The following GREM1 variants were observed in gnomAD, a reference collection of about 807,000 sequenced individuals.
GREM1 encodes the protein gremlin-1.
A neutral mutation model predicts 13.1 loss-of-function variants in GREM1; 6 were observed. That is an observed-to-expected ratio of 0.46 (90% confidence interval 0.25 to 0.91). GREM1 has a LOEUF of 0.91. GREM1 is among the 40% of genes least tolerant of loss of function. The probability of loss-of-function intolerance (pLI) is 0.18; values close to 1 mark genes in which losing one functional copy is unlikely to be tolerated. For synonymous variants in GREM1, 98 were observed against 93.7 expected (o/e 1.05, Z -0.27); for missense variants, 185 against 233.9 (o/e 0.79, Z 1.36).
intron 1 of GREM1, among the ~76,000 whole-genome samples, chr15:32,726,894 A>G (rs1173726642): frequency 6.6e-6 from 1 of 152,172 alleles, no homozygotes; most frequent in Non-Finnish European, 1.5e-5. Context: ...ACGCAAATAA[A>G]CTAGAAAATT....
At chr15:32,727,041 A>G (rs2140681807) in intron 1 of GREM1, among the ~76,000 whole-genome samples, 1 of 152,324 alleles carries the variant, frequency 6.6e-6, no homozygotes, top group Admixed American at 6.5e-5. Context: ...AAAAAAGCCC[A>G]GGACCAGACA....
chr15:32,729,255 A>G (rs568520826), intron 1 of GREM1, among the ~76,000 whole-genome samples: 38 of 152,036 alleles, frequency 2.5e-4, no homozygotes, highest in Middle Eastern at 3.4e-3. Flanking sequence ...CGATCTCCTG[A>G]CCTCGTGATC....
chr15:32,731,546 G>A lies in GREM1; in HGVS notation c.*301G>A, dbSNP rs1257393861. 2 of 436,260 alleles carry A rather than the reference G, an allele frequency of 4.6e-6. No homozygotes were observed. Among genetic ancestry groups the A allele is most frequent in the Non-Finnish European group, 8.4e-6 (2 of 237,054 alleles). The allele number at this position is 436,260 out of a possible 1,614,324, so 27.0% of individuals were successfully genotyped here. A position where few individuals can be genotyped will look rare whatever the true frequency, so the allele number is the denominator to read the frequency against. On this transcript the variant is annotated 3_prime_UTR_variant, in exon 2 of 2. Coordinates refer to ENST00000651154, the MANE Select transcript of GREM1 (RefSeq NM_013372.7). ...CACCCCGGCTCACATCTAAAGGGGC[G>A]GGGCCGTGGTCTGGTTCTGACTTTG...
rs1337821874 is a variant in GREM1 at position 32,734,925 on chromosome 15, G to GTGTTAT, written c.*3681_*3686dup. ...CACAACTAGAAAGAAGAACTATAGAGTGTTATAAGGGAGGCCCTGAGATGG... is the reference window on the plus strand; with the variant it reads ...CACAACTAGAAAGAAGAACTATAGAGTGTTATTGTTATAAGGGAGGCCCTGAGATGG... On this transcript the variant is annotated 3_prime_UTR_variant, in exon 2 of 2. Transcript: ENST00000651154. 2 of 162,678 alleles carry GTGTTAT rather than the reference G, an allele frequency of 1.2e-5. No homozygotes were observed. The highest frequency in any genetic ancestry group is 4.8e-5 in the African/African-American group (2 of 41,756). 10.1% of individuals were successfully genotyped at this position (162,678 alleles called of 1,614,324 possible). A position where few individuals can be genotyped will look rare whatever the true frequency, so the allele number is the denominator to read the frequency against.
intron 1 of GREM1, among the ~76,000 whole-genome samples, chr15:32,719,341 T>C (rs2055364200): frequency 6.6e-6 from 1 of 152,200 alleles, no homozygotes; most frequent in African/African-American, 2.4e-5. Flanking sequence ...TGCGCCAGGC[T>C]CTGGCGACGG....
rs79244243 is a variant in GREM1 at position 32,720,653 on chromosome 15, A to G, written c.-2+2492A>G. 0.015 allele frequency among the ~76,000 whole-genome samples: 2,353 copies of G among 152,346 alleles called. 114 individuals are homozygous for G. In the East Asian group the frequency reaches 0.2, roughly 13 times the overall value. ...TTTAACATATGCTCTTAGAAATTCA[A>G]AGTACAACAGGAATTCCTGGGACAA... On this transcript the variant is annotated intron_variant, in intron 1 of 1. Coordinates refer to ENST00000651154, the MANE Select transcript of GREM1 (RefSeq NM_013372.7).
Position 32,736,505 on chromosome 15 carries a change from G to A in GREM1, c.*5260G>A, listed in dbSNP as rs1231812844. On this transcript the variant is annotated 3_prime_UTR_variant, in exon 2 of 2. Transcript: ENST00000651154. ...AAGCTGATCTTGAGGCTCTGCACAA[G>A]CCATAAGTAAAGGGAATGCAGAGTT... 6.6e-6 allele frequency: 1 copy of A among 152,190 alleles called. No individual in the cohort carries two copies. Among genetic ancestry groups the A allele is most frequent in the Non-Finnish European group, 1.5e-5 (1 of 68,040 alleles). The allele number at this position is 152,190 out of a possible 1,614,324, so 9.4% of individuals were successfully genotyped here. A position where few individuals can be genotyped will look rare whatever the true frequency, so the allele number is the denominator to read the frequency against.
In GREM1 at chr15:32,738,083, C is replaced by CAAAAAAAAAAAAAAAAAAA. The variant is rs67118209; in HGVS notation, c.*6870_*6888dup. On this transcript the variant is annotated 3_prime_UTR_variant, in exon 2 of 2. Coordinates refer to ENST00000651154, the MANE Select transcript of GREM1 (RefSeq NM_013372.7). Reference sequence around the variant, plus strand: ...GGAGGTTCTACCTAGGGTAATTAGGCAAAAAAAAAAAAAAAAAAAAAAAAA... The same window carrying CAAAAAAAAAAAAAAAAAAA: ...GGAGGTTCTACCTAGGGTAATTAGGCAAAAAAAAAAAAAAAAAAAAAAAAAAAAAAAAAAAAAAAAAAAA... 1.1e-4 allele frequency: 2 copies of CAAAAAAAAAAAAAAAAAAA among 18,926 alleles called. No individual in the cohort carries two copies. Among genetic ancestry groups the CAAAAAAAAAAAAAAAAAAA allele is most frequent in the Non-Finnish European group, 1.7e-4 (2 of 11,646 alleles). 1.2% of individuals were successfully genotyped at this position (18,926 alleles called of 1,614,324 possible).
At chr15:32,721,335 C>G (rs2055403023) in intron 1 of GREM1, among the ~76,000 whole-genome samples, 2 of 152,070 alleles carry the variant, frequency 1.3e-5, no homozygotes, top group Admixed American at 6.5e-5. Context: ...GGTCAGAAAT[C>G]AGCATAATGC....
intron 1 of GREM1, chr15:32,718,910 G>T (rs891463326): frequency 1.6e-5 from 3 of 189,266 alleles, no homozygotes; most frequent in Non-Finnish European, 3.3e-5. Context: ...CCTCTTCCCC[G>T]CCCCGCGCAC....
At chr15:32,729,235 A>G (rs2055568640) in intron 1 of GREM1, among the ~76,000 whole-genome samples, 1 of 152,062 alleles carries the variant, frequency 6.6e-6, no homozygotes, top group Admixed American at 6.5e-5. Context: ...CGTGTTAGCC[A>G]GGATGGTCTC....
Position 32,735,758 on chromosome 15 carries a change from G to C in GREM1, c.*4513G>C, listed in dbSNP as rs58963557. The C allele has an allele frequency of 3.0e-3, 385 of 128,440 alleles. 3 individuals carry two copies. The highest frequency in any genetic ancestry group is 0.01 in the African/African-American group (363 of 34,740). The allele number at this position is 128,440 out of a possible 1,614,324, so 8.0% of individuals were successfully genotyped here. On this transcript the variant is annotated 3_prime_UTR_variant, in exon 2 of 2. Transcript: ENST00000651154. ...TGTGAGTGGGACTTGACACGGAAGAGCATTTCAAGCTTAAGAAAAAAAAAA... is the reference window on the plus strand; with the variant it reads ...TGTGAGTGGGACTTGACACGGAAGACCATTTCAAGCTTAAGAAAAAAAAAA...
chr15:32,719,770 A>G (rs2055373790), intron 1 of GREM1, among the ~76,000 whole-genome samples: 1 of 152,184 alleles, frequency 6.6e-6, no homozygotes, highest in Non-Finnish European at 1.5e-5. Context: ...CACACAAGTT[A>G]AATAAATAGC....
At position 32,735,410 on chromosome 15, in the gene GREM1, A is replaced by C. The variant is rs532568110; in HGVS notation, c.*4165A>C. Reference sequence around the variant, plus strand: ...ATCACTGCTAGAAAGCAGTGAACTTATATGGTCTTACTGTGGCACTGGGTC... The same window carrying C: ...ATCACTGCTAGAAAGCAGTGAACTTCTATGGTCTTACTGTGGCACTGGGTC... On this transcript the variant is annotated 3_prime_UTR_variant, in exon 2 of 2. Transcript: ENST00000651154. The C allele has an allele frequency of 6.6e-6, 1 of 152,290 alleles. No homozygotes were observed. The highest frequency in any genetic ancestry group is 2.4e-5 in the African/African-American group (1 of 41,554). 9.4% of individuals were successfully genotyped at this position (152,290 alleles called of 1,614,324 possible).
rs570873895 is a variant in GREM1 at position 32,735,686 on chromosome 15, G to A, written c.*4441G>A. ...TGGAAGCAAGTACCAAGGAGAAAGT[G>A]TTCTCAGAAAAGCCACACCCATTAG... On this transcript the variant is annotated 3_prime_UTR_variant, in exon 2 of 2. Coordinates refer to ENST00000651154, the MANE Select transcript of GREM1 (RefSeq NM_013372.7). The A allele has an allele frequency of 1.3e-5, 2 of 151,040 alleles. No individual in the cohort carries two copies. The highest frequency in any genetic ancestry group is 3.9e-4 in the East Asian group (2 of 5,088). 9.4% of individuals were successfully genotyped at this position (151,040 alleles called of 1,614,324 possible). A position where few individuals can be genotyped will look rare whatever the true frequency, so the allele number is the denominator to read the frequency against.
At chr15:32,730,559 T>G in intron 1 of GREM1, 131 bp from the exon 2 acceptor site, 2 of 651,490 alleles carry the variant, frequency 3.1e-6, no homozygotes, top group Non-Finnish European at 5.2e-6. Flanking sequence ...ACAGGTACTG[T>G]GAGAAGTAAA....
At chr15:32,718,768 TAA>T in intron 1 of GREM1, 1 of 300,116 alleles carries the variant, frequency 3.3e-6, no homozygotes, top group Non-Finnish European at 6.7e-6. Flanking sequence ...GAACGGTGGG[TAA>T]TCCGACAGCT....
rs2055782578 is a variant in GREM1, at chr15:32,743,872, G to A, written c.*12627G>A. 1 of 152,060 alleles carries A rather than the reference G, an allele frequency of 6.6e-6. No individual in the cohort carries two copies. Among genetic ancestry groups the A allele is most frequent in the Non-Finnish European group, 1.5e-5 (1 of 68,032 alleles). The allele number at this position is 152,060 out of a possible 1,614,324, so 9.4% of individuals were successfully genotyped here. A position where few individuals can be genotyped will look rare whatever the true frequency, so the allele number is the denominator to read the frequency against. On this transcript the variant is annotated 3_prime_UTR_variant, in exon 2 of 2. Coordinates refer to ENST00000651154, the MANE Select transcript of GREM1 (RefSeq NM_013372.7). ...AACAACCCTATTAGCAGTTCTGCAA[G>A]GATTTTTAGGAACCGTATTAGCAAG...
intron 1 of GREM1, among the ~76,000 whole-genome samples, chr15:32,725,291 A>G (rs1020375761): frequency 2.6e-4 from 40 of 152,006 alleles, no homozygotes; most frequent in Non-Finnish European, 1.6e-4. Context: ...ATCCTCTCCA[A>G]CATCTGTTGT....
Sources: gnomAD v4.1 joint callset for allele counts (sites outside exome capture counted in the v4.1 genomes callset) on GRCh38, gnomAD v4.1.1 for gene constraint, MANE v1.5 for transcripts, NCBI Gene and HGNC (gene_info 2026-07-23, HGNC 2026-07-21) for gene names.